CDH18: variants seen among roughly 807,000 people sequenced by gnomAD.
CDH18 encodes cadherin-18.
Under a neutral mutation model 67.9 loss-of-function variants are expected in CDH18, and 31 were observed. That is an observed-to-expected ratio of 0.46 (90% CI 0.34 to 0.62). The LOEUF is 0.62. CDH18 is among the 20% of genes least tolerant of loss of function. The probability of loss-of-function intolerance (pLI) is 0.01; values close to 1 mark genes in which losing one functional copy is unlikely to be tolerated. For missense variants in CDH18, 890 were observed against 975.5 expected, an observed-to-expected ratio of 0.91 and a Z score of 1.17; for synonymous variants, 362 against 347.2, an observed-to-expected ratio of 1.04 and a Z score of -0.48.
intron 2 of CDH18, among the ~76,000 whole-genome samples, chr5:19,962,437 T>C: frequency 6.8e-6 from 1 of 146,678 alleles, no homozygotes; most frequent in African/African-American, 2.5e-5. Context: ...ATATTTAGAC[T>C]CAGTATAAAA....
chr5:20,329,795 G>C (rs1444776595), intron 1 of CDH18, among the ~76,000 whole-genome samples: 3 of 72,110 alleles, frequency 4.2e-5, no homozygotes, highest in African/African-American at 4.5e-5. Context: ...AAAAAAAAAA[G>C]AGTAAGCCTT....
chr5:19,864,582 T>G (rs4631179), intron 2 of CDH18, among the ~76,000 whole-genome samples: 121,454 of 151,982 alleles, frequency 0.8, 50,394 homozygotes, highest in Non-Finnish European at 0.91. Flanking sequence ...ATAAGACTTT[T>G]CACAGAGCAT....
At chr5:19,945,902 T>C (rs765691927) in intron 2 of CDH18, among the ~76,000 whole-genome samples, 1 of 152,084 alleles carries the variant, frequency 6.6e-6, no homozygotes, top group Non-Finnish European at 1.5e-5. Flanking sequence ...AATATTCATG[T>C]CATTGGAGTT....
intron 5 of CDH18, among the ~76,000 whole-genome samples, chr5:19,624,138 G>T (rs1427083647): frequency 2.0e-5 from 3 of 151,906 alleles, no homozygotes; most frequent in African/African-American, 7.3e-5. Flanking sequence ...CTCCCGAGTA[G>T]TTGGGATTGC....
chr5:19,830,315 T>C (rs1780874270), intron 3 of CDH18, among the ~76,000 whole-genome samples: 1 of 152,100 alleles, frequency 6.6e-6, no homozygotes, highest in Non-Finnish European at 1.5e-5. Flanking sequence ...ATATCCAGAA[T>C]CTATATGAAA....
intron 1 of CDH18, among the ~76,000 whole-genome samples, chr5:20,375,209 A>G (rs1743318215): frequency 6.6e-6 from 1 of 152,106 alleles, no homozygotes; most frequent in Non-Finnish European, 1.5e-5. Context: ...ATTTCTTTTA[A>G]TATGTGCTTT....
intron 2 of CDH18, among the ~76,000 whole-genome samples, chr5:20,078,572 G>A (rs1435659765): frequency 1.3e-5 from 2 of 151,476 alleles, no homozygotes; most frequent in South Asian, 2.1e-4. Flanking sequence ...GAAAACTTAA[G>A]TCTGACATTT....
chr5:19,997,958 T>C (rs1736143194), intron 2 of CDH18, among the ~76,000 whole-genome samples: 2 of 152,180 alleles, frequency 1.3e-5, no homozygotes, highest in South Asian at 4.1e-4. Context: ...TGTTTAAAGA[T>C]GTTCATAAAA....
chr5:20,010,945 G>T (rs147300406), intron 2 of CDH18, among the ~76,000 whole-genome samples: 2 of 152,194 alleles, frequency 1.3e-5, no homozygotes, highest in African/African-American at 4.8e-5. Context: ...TTTCTGTAAA[G>T]CACCACAAAC....
At chr5:19,839,917 A>C (rs1782082109) in intron 2 of CDH18, among the ~76,000 whole-genome samples, 1 of 152,112 alleles carries the variant, frequency 6.6e-6, no homozygotes, top group Non-Finnish European at 1.5e-5. Flanking sequence ...AGAAAGAAAA[A>C]AATAGCGGTA....
intron 1 of CDH18, among the ~76,000 whole-genome samples, chr5:20,268,096 A>G (rs1745174412): frequency 6.6e-6 from 1 of 152,192 alleles, no homozygotes; most frequent in Admixed American, 6.5e-5. Flanking sequence ...AATTGCCTCC[A>G]GTTGCACACA....
chr5:20,441,773 G>A (rs115315385), intron 1 of CDH18, among the ~76,000 whole-genome samples: 3,390 of 145,416 alleles, frequency 0.023, 50 homozygotes, highest in Admixed American at 0.033. Context: ...AAGATAAAAG[G>A]ATTTATTTAG....
chr5:20,399,546 AAC>A (rs969642974), intron 1 of CDH18, among the ~76,000 whole-genome samples: 1 of 152,232 alleles, frequency 6.6e-6, no homozygotes, highest in Non-Finnish European at 1.5e-5. Context: ...GATATTACTT[AAC>A]ACAGTCACTG....
intron 1 of CDH18, among the ~76,000 whole-genome samples, chr5:20,298,802 G>A (rs1006133364): frequency 2.6e-5 from 4 of 152,168 alleles, no homozygotes; most frequent in African/African-American, 7.2e-5. Context: ...ATACATACAT[G>A]AAGGGAATTG....
chr5:19,582,178 GTGTATA>G (rs1412215458), intron 7 of CDH18, among the ~76,000 whole-genome samples: 1 of 151,810 alleles, frequency 6.6e-6, no homozygotes, highest in East Asian at 1.9e-4. Flanking sequence ...GCTCATATGT[GTGTATA>G]TGTATATCTA....
chr5:20,219,360 G>T (rs2126438325), intron 2 of CDH18, among the ~76,000 whole-genome samples: 1 of 151,520 alleles, frequency 6.6e-6, no homozygotes, highest in South Asian at 2.1e-4. Flanking sequence ...AATAAGCTTG[G>T]GACACAATGT....
At position 19,543,756 on chromosome 5, in the gene CDH18, T is replaced by G. The variant is rs1009730434; in HGVS notation, c.1390+113A>C. On this transcript the variant is annotated intron_variant, in intron 9 of 12. Transcript: ENST00000382275. Reference sequence around the variant, plus strand: ...TATATCTAATACACTCCGCTTACTCTCCTAGATCCTGATATCAAAAATAAA... The same window carrying G: ...TATATCTAATACACTCCGCTTACTCGCCTAGATCCTGATATCAAAAATAAA... The G allele has an allele frequency of 4.5e-6, 3 of 669,248 alleles. No homozygotes were observed. The African/African-American group carries it at 5.3e-5, about 12-fold the overall frequency. The allele number at this position is 669,248 out of a possible 1,614,324, so 41.5% of individuals were successfully genotyped here. A position where few individuals can be genotyped will look rare whatever the true frequency, so the allele number is the denominator to read the frequency against.
Position 19,759,215 on chromosome 5 carries a change from C to A in CDH18, c.229-11979G>T, listed in dbSNP as rs117360229. ...AAGCTTATAATAATCCACTCTCATT[C>A]TCCAAGATCCACCTGTTTTCTGCAC... On this transcript the variant is annotated intron_variant, in intron 3 of 12. Coordinates refer to ENST00000382275, the MANE Select transcript of CDH18 (RefSeq NM_004934.5). 8.9e-4 allele frequency among the ~76,000 whole-genome samples: 135 copies of A among 152,368 alleles called. 2 individuals are homozygous for A. The East Asian group carries it at 0.023, about 26-fold the overall frequency.
At chr5:20,163,015 C>T (rs761657603) in intron 2 of CDH18, among the ~76,000 whole-genome samples, 100 of 151,872 alleles carry the variant, frequency 6.6e-4, no homozygotes, top group Non-Finnish European at 1.0e-3. Flanking sequence ...GCTGAGATCG[C>T]GCCAGTGCAC....
Sources: allele counts gnomAD v4.1 joint callset (sites outside exome capture counted in the v4.1 genomes callset), GRCh38; gene constraint gnomAD v4.1.1; transcripts MANE v1.5; gene names NCBI Gene and HGNC (gene_info 2026-07-23, HGNC 2026-07-21).